Variants in COLGALT1 observed in about 807,000 individuals in gnomAD.
The protein encoded by COLGALT1 is procollagen galactosyltransferase 1.
In COLGALT1, 43 loss-of-function variants were observed where a neutral mutation model predicts 60.8. That is an observed-to-expected ratio of 0.71 (90% CI 0.55 to 0.91). The LOEUF is 0.91. Among genes scored for constraint, COLGALT1 ranks in the 40% least tolerant of loss-of-function variants. COLGALT1 has a pLI of 0.00. For synonymous variants in COLGALT1, 369 were observed against 374.2 expected (o/e 0.99, Z 0.16); for missense variants, 845 against 880.0 (o/e 0.96, Z 0.50).
Position 17,581,204 on chromosome 19 carries a change from C to T in COLGALT1, c.1629C>T (p.Leu543=), listed in dbSNP as rs1231030441. 2.2e-5 allele frequency: 35 copies of T among 1,607,996 alleles called. No individual in the cohort carries two copies. Among genetic ancestry groups the T allele is most frequent in the Non-Finnish European group, 2.8e-5 (33 of 1,178,560 alleles). Residue 543 remains leucine (L), a synonymous_variant, in exon 12 of 12, where the codon CTC becomes CTT. Transcript: ENST00000252599. ...PVSEYKAHFS[L]RNLHAFSVEP... ...CCGAGTACAAGGCCCACTTCTCCCTCCGCAACCTGCATGCCTTCTCTGTGG... is the reference window on the plus strand; with the variant it reads ...CCGAGTACAAGGCCCACTTCTCCCTTCGCAACCTGCATGCCTTCTCTGTGG...
chr19:17,568,840 G>A, intron 5 of COLGALT1, 127 bp downstream of exon 5: 1 of 888,002 alleles, frequency 1.1e-6, no homozygotes, highest in Non-Finnish European at 1.8e-6. Context: ...CTGACTTCAG[G>A]TGCAGCTGTA....
Position 17,569,891 on chromosome 19 carries a change from C to CTT in COLGALT1, c.829+1198_829+1199dup, listed in dbSNP as rs71162156. Among the ~76,000 whole-genome samples the CTT allele has an allele frequency of 9.9e-3, 976 of 98,624 alleles. 74 individuals are homozygous for CTT. The highest frequency in any genetic ancestry group is 0.043 in the Middle Eastern group (4 of 94). The allele number at this position is 98,624 out of a possible 152,430, so 64.7% of individuals were successfully genotyped here. Reference sequence around the variant, plus strand: ...CAGGCCAAACCTGGCCCACTAATTACTTTTTTTTTTTTTTTTTTTTTGAGA... The same window carrying CTT: ...CAGGCCAAACCTGGCCCACTAATTACTTTTTTTTTTTTTTTTTTTTTTTGAGA... On this transcript the variant is annotated intron_variant, in intron 5 of 11. Transcript: ENST00000252599.
intron 3 of COLGALT1, among the ~76,000 whole-genome samples, chr19:17,564,590 G>A (rs1028375275): frequency 2.0e-5 from 3 of 151,528 alleles, no homozygotes. Context: ...CTAAGTTTTT[G>A]TATTTTTAGT....
At chr19:17,579,348 C>G (rs996960239) in intron 9 of COLGALT1, 134 bp from the exon 10 acceptor site, 7 of 1,232,804 alleles carry the variant, frequency 5.7e-6, no homozygotes, top group East Asian at 2.4e-5. Flanking sequence ...CCAGATGTCC[C>G]TGGAGCTAGG....
chr19:17,569,891 C>CCTTTT (rs749016124), intron 5 of COLGALT1, among the ~76,000 whole-genome samples: 1,359 of 98,668 alleles, frequency 0.014, 43 homozygotes, highest in African/African-American at 0.041. Flanking sequence ...CCACTAATTA[C>CCTTTT]TTTTTTTTTT....
intron 4 of COLGALT1, 89 bp downstream of exon 4, chr19:17,567,629 G>A (rs1473584636): frequency 6.9e-7 from 1 of 1,445,286 alleles, no homozygotes; most frequent in Non-Finnish European, 9.4e-7. Context: ...CAACCTCGTG[G>A]TGTGTGTTTT....
At chr19:17,579,670 G>A in intron 10 of COLGALT1, 61 bp downstream of exon 10, 2 of 1,521,076 alleles carry the variant, frequency 1.3e-6, no homozygotes, top group Non-Finnish European at 1.8e-6. Context: ...GGACTTAGAG[G>A]TGGGGGTGGG....
At chr19:17,581,086 C>T in intron 11 of COLGALT1, 91 bp from the exon 12 acceptor site, 2 of 1,470,904 alleles carry the variant, frequency 1.4e-6, no homozygotes, top group Non-Finnish European at 1.9e-6. Flanking sequence ...TTTAATCTGT[C>T]CCCGCTGACT....
chr19:17,579,663 C>A, intron 10 of COLGALT1, 54 bp downstream of exon 10: 2 of 252,250 alleles, frequency 7.9e-6, no homozygotes, highest in Non-Finnish European at 6.6e-6. Context: ...AAGGCCAGGA[C>A]TTAGAGGTGG....
At chr19:17,563,733 C>T (rs1366261181) in intron 3 of COLGALT1, among the ~76,000 whole-genome samples, 1 of 152,048 alleles carries the variant, frequency 6.6e-6, no homozygotes, top group East Asian at 1.9e-4. Flanking sequence ...TCAGGTGATC[C>T]ACCCACCTCG....
At chr19:17,576,861 A>T (rs2076344967) in intron 6 of COLGALT1, among the ~76,000 whole-genome samples, 1 of 86,704 alleles carries the variant, frequency 1.2e-5, no homozygotes, top group South Asian at 4.0e-4. Context: ...GGCTAAGGGC[A>T]GGGTGAGGCT....
chr19:17,580,893 A>G lies in COLGALT1; in HGVS notation c.1589A>G (p.Asp530Gly). 1 of 1,613,468 alleles carries G rather than the reference A, an allele frequency of 6.2e-7. No individual in the cohort carries two copies. The highest frequency in any genetic ancestry group is 8.5e-7 in the Non-Finnish European group (1 of 1,179,924). Residue 530 changes from aspartate to glycine, a missense_variant, in exon 11 of 12, where the codon GAC (aspartate) becomes GGC (glycine). Physicochemically the swap from Asp to Gly is moderately conservative, Grantham distance 94 (BLOSUM62 -1). Coordinates refer to ENST00000252599, the MANE Select transcript of COLGALT1 (RefSeq NM_024656.4). ...PVDEFLPVMF[D>G]KHPVSEYKAH... is the part of the protein sequence containing the mutation. ...GACGAGTTCCTGCCCGTCATGTTCG[A>G]CAAACACCCAGTGTGAGAGGGGCAG... is the stretch of plus-strand genomic sequence containing the variant.
chr19:17,569,876 C>A (rs939169367), intron 5 of COLGALT1, among the ~76,000 whole-genome samples: 1 of 151,114 alleles, frequency 6.6e-6, no homozygotes, highest in Admixed American at 6.7e-5. Flanking sequence ...CAGGCCAAAC[C>A]TGGCCCACTA....
In COLGALT1 at chr19:17,560,485, G is replaced by A. The variant is rs201475133; in HGVS notation, c.489+20G>A. 32 of 1,597,466 alleles carry A rather than the reference G, an allele frequency of 2.0e-5. No homozygotes were observed. In the Admixed American group the frequency reaches 3.3e-4, roughly 17 times the overall value. On this transcript the variant is annotated intron_variant, in intron 3 of 11. Transcript: ENST00000252599. ...ATCCTGGTAAGTTTCTCAGCCGGCC[G>A]GATATGGATCACAGGCAGGTCTGGG...
At chr19:17,580,381 G>A (rs894055728) in intron 10 of COLGALT1, 2 of 433,734 alleles carry the variant, frequency 4.6e-6, no homozygotes, top group Non-Finnish European at 4.2e-6. Flanking sequence ...CCCCATCAGG[G>A]CACCTCGCCC....
chr19:17,578,481 C>T (rs1225579009), intron 9 of COLGALT1, among the ~76,000 whole-genome samples: 3 of 152,212 alleles, frequency 2.0e-5, no homozygotes, highest in Non-Finnish European at 4.4e-5. Flanking sequence ...GGGGCACTCA[C>T]CAGCCCAGGC....
At chr19:17,569,891 CTTTTTTTT>C (rs71162156) in intron 5 of COLGALT1, among the ~76,000 whole-genome samples, 1 of 98,740 alleles carries the variant, frequency 1.0e-5, no homozygotes, top group Non-Finnish European at 1.9e-5. Context: ...CCACTAATTA[CTTTTTTTT>C]TTTTTTTTTT....
chr19:17,560,070 G>A (rs1218067139), intron 2 of COLGALT1, among the ~76,000 whole-genome samples: 1 of 152,134 alleles, frequency 6.6e-6, no homozygotes, highest in Non-Finnish European at 1.5e-5. Context: ...GATCGCAGGC[G>A]TGGGCCACTG....
Position 17,577,405 on chromosome 19 carries a change from C to T in COLGALT1, c.1071C>T (p.Arg357=). The stretch of plus-strand genomic sequence containing the variant: ...GGCGGCGGCAGGACCGGCGGGAGCG[C>T]ATGCTGCGGGCGCTGCAGGCACAGG... The part of the protein sequence containing the change: ...NLRRRQDRRE[R]MLRALQAQEI... Residue 357 remains arginine (R), a synonymous_variant, in exon 8 of 12, where the codon CGC becomes CGT. Transcript: ENST00000252599. 1.3e-6 allele frequency: 2 copies of T among 1,549,052 alleles called. No homozygotes were observed. Among genetic ancestry groups the T allele is most frequent in the Non-Finnish European group, 1.7e-6 (2 of 1,150,302 alleles).
Sources: allele counts gnomAD v4.1 joint callset (sites outside exome capture counted in the v4.1 genomes callset), GRCh38; gene constraint gnomAD v4.1.1; transcripts MANE v1.5; gene names NCBI Gene and HGNC (gene_info 2026-07-23, HGNC 2026-07-21).